SLC35F1: variants seen among roughly 807,000 people sequenced by gnomAD.
The protein encoded by SLC35F1 is chromosome 6 open reading frame 169.
Under a neutral mutation model 48.7 loss-of-function variants are expected in SLC35F1, and 14 were observed. That is an observed-to-expected ratio of 0.29 (90% CI 0.19 to 0.45). SLC35F1 has a LOEUF of 0.45. Ranked by LOEUF, SLC35F1 falls within the 20% of genes least tolerant of loss-of-function variation. The pLI, the probability that SLC35F1 is intolerant of heterozygous loss-of-function variation, is 1.00. For synonymous variants in SLC35F1, 190 were observed against 202.2 expected (o/e 0.94, Z 0.51); for missense variants, 404 against 500.0 (o/e 0.81, Z 1.83).
At chr6:117,986,461 AT>A (rs2114854189) in intron 1 of SLC35F1, among the ~76,000 whole-genome samples, 1 of 152,286 alleles carries the variant, frequency 6.6e-6, no homozygotes, top group African/African-American at 2.4e-5. Context: ...TACTAAGGAT[AT>A]AGTTTTAGGT....
Position 118,314,394 on chromosome 6 carries a change from T to TTCCTTTCACAAGCTTTTG in SLC35F1, c.*142_*143insTCCTTTCACAAGCTTTTG. Reference sequence around the variant, plus strand: ...AGGTAGCAAATCCTCCAAAAGCTTGTGAAAGGAACAAGCTCAACATCACTG... The same window carrying TTCCTTTCACAAGCTTTTG: ...AGGTAGCAAATCCTCCAAAAGCTTGTTCCTTTCACAAGCTTTTGGAAAGGAACAAGCTCAACATCACTG... On this transcript the variant is annotated 3_prime_UTR_variant, in exon 8 of 8. Transcript: ENST00000360388. 1.4e-6 allele frequency: 1 copy of TTCCTTTCACAAGCTTTTG among 708,056 alleles called. No homozygotes were observed. The highest frequency in any genetic ancestry group is 2.4e-6 in the Non-Finnish European group (1 of 423,004). 43.9% of individuals were successfully genotyped at this position (708,056 alleles called of 1,614,324 possible).
intron 1 of SLC35F1, among the ~76,000 whole-genome samples, chr6:118,030,438 A>C (rs1422351495): frequency 6.6e-6 from 1 of 152,230 alleles, no homozygotes; most frequent in Non-Finnish European, 1.5e-5. Flanking sequence ...CTGTGGTCAG[A>C]GTAGTTTCTC....
At chr6:117,947,414 C>T (rs559585302) in intron 1 of SLC35F1, among the ~76,000 whole-genome samples, 35 of 152,148 alleles carry the variant, frequency 2.3e-4, no homozygotes, top group African/African-American at 7.5e-4. Context: ...GGGTTTTACT[C>T]CTAGCACAAT....
intron 1 of SLC35F1, among the ~76,000 whole-genome samples, chr6:117,945,537 T>A (rs1013822876): frequency 1.3e-5 from 2 of 152,224 alleles, no homozygotes; most frequent in African/African-American, 4.8e-5. Flanking sequence ...AAATAAAAGT[T>A]AAGTGCTCAT....
chr6:118,270,241 CA>C (rs537633766), intron 4 of SLC35F1, among the ~76,000 whole-genome samples: 128 of 152,268 alleles, frequency 8.4e-4, no homozygotes, highest in Middle Eastern at 3.4e-3. Context: ...TCCACTTCGT[CA>C]GCATGTTTCT....
chr6:118,148,709 T>G (rs978986188), intron 1 of SLC35F1, among the ~76,000 whole-genome samples: 5 of 152,226 alleles, frequency 3.3e-5, no homozygotes, highest in African/African-American at 1.2e-4. Flanking sequence ...TATGTTAGAA[T>G]GCATCTGGTG....
intron 1 of SLC35F1, among the ~76,000 whole-genome samples, chr6:118,072,862 T>C (rs191851730): frequency 2.9e-4 from 44 of 152,274 alleles, no homozygotes; most frequent in Middle Eastern, 3.4e-3. Context: ...TGTTCAGTTT[T>C]TTCTTCAGAA....
intron 1 of SLC35F1, among the ~76,000 whole-genome samples, chr6:118,136,427 G>T (rs571201539): frequency 5.9e-5 from 9 of 152,058 alleles, no homozygotes; most frequent in African/African-American, 2.2e-4. Context: ...GATTTTTTTG[G>T]TCTCTATGCT....
Position 118,027,004 on chromosome 6 carries a change from G to C in SLC35F1, c.173+119105G>C, listed in dbSNP as rs867461787. Among the ~76,000 whole-genome samples the C allele has an allele frequency of 2.6e-5, 4 of 152,256 alleles. No homozygotes were observed. The Middle Eastern group carries it at 0.014, about 518-fold the overall frequency. ...CTCCTACTGCCAGCCCAGATGACCA[G>C]TGATTTGGGTTCTGTCTTTGTCTTT... On this transcript the variant is annotated intron_variant, in intron 1 of 7. Coordinates refer to ENST00000360388, the MANE Select transcript of SLC35F1 (RefSeq NM_001029858.4).
At chr6:118,011,046 G>T (rs1248144098) in intron 1 of SLC35F1, among the ~76,000 whole-genome samples, 1 of 152,128 alleles carries the variant, frequency 6.6e-6, no homozygotes, top group African/African-American at 2.4e-5. Flanking sequence ...CAGGGGTGCT[G>T]CAAAACATCC....
chr6:118,057,442 G>T (rs1443541167), intron 1 of SLC35F1, among the ~76,000 whole-genome samples: 1 of 152,050 alleles, frequency 6.6e-6, no homozygotes, highest in Non-Finnish European at 1.5e-5. Context: ...GAAATTCAAA[G>T]GATAACATTG....
chr6:118,313,971 A>T (rs1459301556), intron 7 of SLC35F1, 57 bp from the exon 8 acceptor site: 4 of 1,509,790 alleles, frequency 2.6e-6, no homozygotes, highest in Non-Finnish European at 2.8e-6. Flanking sequence ...GTGCCTCATT[A>T]ATGTGTCAGT....
intron 2 of SLC35F1, among the ~76,000 whole-genome samples, chr6:118,231,498 A>G (rs905868705): frequency 6.6e-6 from 1 of 152,148 alleles, no homozygotes; most frequent in African/African-American, 2.4e-5. Context: ...ATGTAGATAA[A>G]TCCCCAAGCT....
At chr6:118,196,644 A>G (rs991879420) in intron 2 of SLC35F1, among the ~76,000 whole-genome samples, 1 of 152,026 alleles carries the variant, frequency 6.6e-6, no homozygotes, top group Non-Finnish European at 1.5e-5. Context: ...TGAACCCGGG[A>G]GGTAGAGGTT....
intron 1 of SLC35F1, among the ~76,000 whole-genome samples, chr6:118,012,383 G>A (rs1045478885): frequency 1.3e-5 from 2 of 151,866 alleles, no homozygotes; most frequent in African/African-American, 2.4e-5. Context: ...ATACGTGACT[G>A]TGAGAGTCTT....
intron 1 of SLC35F1, among the ~76,000 whole-genome samples, chr6:118,128,720 C>A (rs2999023): frequency 1.3e-5 from 2 of 151,280 alleles, no homozygotes; most frequent in African/African-American, 4.8e-5. Context: ...TAAATGACGA[C>A]TTAATGGGTG....
At chr6:117,908,890 G>T (rs531964584) in intron 1 of SLC35F1, among the ~76,000 whole-genome samples, 8 of 152,190 alleles carry the variant, frequency 5.3e-5, no homozygotes, top group Non-Finnish European at 8.8e-5. Flanking sequence ...TTTCTGTGTG[G>T]CATTGTGTTG....
chr6:117,921,846 G>A (rs775923249), intron 1 of SLC35F1, among the ~76,000 whole-genome samples: 1 of 152,136 alleles, frequency 6.6e-6, no homozygotes, highest in African/African-American at 2.4e-5. Context: ...GTTCATTTTG[G>A]ATATCAATCG....
At chr6:118,174,823 G>A (rs1301798137) in intron 2 of SLC35F1, among the ~76,000 whole-genome samples, 1 of 151,190 alleles carries the variant, frequency 6.6e-6, no homozygotes, top group Non-Finnish European at 1.5e-5. Flanking sequence ...TACACAAAGG[G>A]AAAATATACT....
Sources: gnomAD v4.1 joint callset for allele counts (sites outside exome capture counted in the v4.1 genomes callset) on GRCh38, gnomAD v4.1.1 for gene constraint, MANE v1.5 for transcripts, NCBI Gene and HGNC (gene_info 2026-07-23, HGNC 2026-07-21) for gene names.